RANBP17: variants seen among roughly 807,000 people sequenced by gnomAD.
RANBP17 encodes the protein RAN binding protein 17.
In RANBP17, 158 loss-of-function variants were observed where a neutral mutation model predicts 141.2. That is an observed-to-expected ratio of 1.12 (90% CI 0.98 to 1.28). RANBP17 has a LOEUF of 1.28. Ranked by LOEUF, RANBP17 falls within the 50% of genes most tolerant of loss-of-function variation. The probability of loss-of-function intolerance (pLI) is 0.00; values close to 1 mark genes in which losing one functional copy is unlikely to be tolerated. For synonymous variants in RANBP17, 430 were observed against 450.0 expected (o/e 0.96, Z 0.56); for missense variants, 1,438 against 1,290.7 (o/e 1.11, Z -1.75).
chr5:170,996,256 T>C (rs1350317126), intron 14 of RANBP17, among the ~76,000 whole-genome samples: 1 of 152,070 alleles, frequency 6.6e-6, no homozygotes, highest in Non-Finnish European at 1.5e-5. Context: ...TTTTTTTCCC[T>C]AAAAAGCAAG....
intron 14 of RANBP17, among the ~76,000 whole-genome samples, chr5:171,118,977 T>G (rs1561673222): frequency 6.6e-6 from 1 of 152,146 alleles, no homozygotes. Context: ...AGAGTGAGAG[T>G]GGAAACCCTT....
chr5:171,279,248 A>C (rs1767706484), intron 25 of RANBP17, among the ~76,000 whole-genome samples: 1 of 152,200 alleles, frequency 6.6e-6, no homozygotes, highest in Non-Finnish European at 1.5e-5. Flanking sequence ...ATTGCCTTGC[A>C]GTGGCCAAAA....
At chr5:170,896,212 T>A in intron 5 of RANBP17, 97 bp downstream of exon 5, 1 of 815,638 alleles carries the variant, frequency 1.2e-6, no homozygotes, top group Non-Finnish European at 2.0e-6. Context: ...AGCCTTCATT[T>A]TGTGGCATAA....
intron 22 of RANBP17, among the ~76,000 whole-genome samples, chr5:171,239,304 C>G (rs765743159): frequency 6.6e-6 from 1 of 152,126 alleles, no homozygotes; most frequent in Non-Finnish European, 1.5e-5. Context: ...TGGAACAGAT[C>G]AAGGCAGATC....
intron 14 of RANBP17, among the ~76,000 whole-genome samples, chr5:171,065,773 T>G (rs528894076): frequency 6.6e-6 from 1 of 152,298 alleles, no homozygotes; most frequent in South Asian, 2.1e-4. Flanking sequence ...TTGTAGCATG[T>G]TTTTATACCT....
chr5:171,053,109 C>T lies in RANBP17; in HGVS notation c.1710+84732C>T, dbSNP rs185774787. ...TCCTGGGATTACAGGCGTGAGCCAC[C>T]GTGCCCGGCCATGTCTTTCTATTTA... is the stretch of plus-strand genomic sequence containing the variant. On this transcript the variant is annotated intron_variant, in intron 14 of 27. Coordinates refer to ENST00000523189, the MANE Select transcript of RANBP17 (RefSeq NM_022897.5). 5.4e-3 allele frequency among the ~76,000 whole-genome samples: 821 copies of T among 152,264 alleles called. 12 individuals are homozygous for T. Among genetic ancestry groups the T allele is most frequent in the African/African-American group, 0.019 (793 of 41,536 alleles).
chr5:171,231,624 G>A lies in RANBP17; in HGVS notation c.2423-9304G>A, dbSNP rs139219464. Among the ~76,000 whole-genome samples the A allele has an allele frequency of 8.5e-5, 13 of 152,268 alleles. No individual in the cohort carries two copies. In the East Asian group the frequency reaches 1.7e-3, roughly 20 times the overall value. ...GGTAGCTACCAGTTAACAATTGTGC[G>A]TCTAGTTGAAATTCCTTTCAACAAA... On this transcript the variant is annotated intron_variant, in intron 22 of 27. Transcript: ENST00000523189.
chr5:171,047,349 T>C (rs1266180019), intron 14 of RANBP17, among the ~76,000 whole-genome samples: 1 of 151,988 alleles, frequency 6.6e-6, no homozygotes, highest in Non-Finnish European at 1.5e-5. Context: ...GGTAATGATG[T>C]TGAACGGTTT....
In RANBP17 at chr5:171,158,677, A is replaced by G. The variant is rs574298858; in HGVS notation, c.1711-11453A>G. Among the ~76,000 whole-genome samples, 20 of 150,438 alleles carry G rather than the reference A, an allele frequency of 1.3e-4. No individual in the cohort carries two copies. In the South Asian group the frequency reaches 2.9e-3, roughly 22 times the overall value. Reference sequence around the variant, plus strand: ...ATTTATTGTCCATTTCTGTCTCTCAATTTTCATGGTCACTTCCTTCCTTGC... The same window carrying G: ...ATTTATTGTCCATTTCTGTCTCTCAGTTTTCATGGTCACTTCCTTCCTTGC... On this transcript the variant is annotated intron_variant, in intron 14 of 27. Coordinates refer to ENST00000523189, the MANE Select transcript of RANBP17 (RefSeq NM_022897.5).
intron 14 of RANBP17, among the ~76,000 whole-genome samples, chr5:171,104,561 C>T (rs1754644672): frequency 6.6e-6 from 1 of 152,132 alleles, no homozygotes. Context: ...TTCCACAGAA[C>T]AGAAATGACC....
intron 20 of RANBP17, among the ~76,000 whole-genome samples, chr5:171,211,628 GTTT>G (rs1226824979): frequency 1.6e-5 from 2 of 126,130 alleles, no homozygotes; most frequent in Non-Finnish European, 3.4e-5. Flanking sequence ...TGAGGGCAGG[GTTT>G]TTTTTTTTTT....
intron 14 of RANBP17, among the ~76,000 whole-genome samples, chr5:171,121,311 A>G (rs1581680098): frequency 6.6e-6 from 1 of 152,250 alleles, no homozygotes; most frequent in African/African-American, 2.4e-5. Context: ...CATGTGTGCC[A>G]GGGGCAGCCT....
intron 22 of RANBP17, among the ~76,000 whole-genome samples, chr5:171,238,705 CAGT>C (rs1355283035): frequency 1.3e-5 from 2 of 152,114 alleles, no homozygotes; most frequent in Non-Finnish European, 2.9e-5. Context: ...GGTAGAAAAA[CAGT>C]GGTGTAGAAC....
chr5:170,873,072 C>T (rs9687000), intron 1 of RANBP17, among the ~76,000 whole-genome samples: 91,285 of 151,990 alleles, frequency 0.6, 29,154 homozygotes, highest in South Asian at 0.88. Flanking sequence ...AAACCGTGCC[C>T]GGCTGATTTT....
intron 14 of RANBP17, among the ~76,000 whole-genome samples, chr5:171,035,825 A>AT (rs1471610149): frequency 6.7e-6 from 1 of 149,948 alleles, no homozygotes; most frequent in Non-Finnish European, 1.5e-5. Flanking sequence ...ATACTGTATA[A>AT]TGCTGAGGTT....
intron 14 of RANBP17, among the ~76,000 whole-genome samples, chr5:171,109,818 A>G (rs1006907372): frequency 2.0e-5 from 3 of 152,228 alleles, no homozygotes; most frequent in African/African-American, 7.2e-5. Context: ...AATTGAGAAC[A>G]TGAATATCCA....
intron 3 of RANBP17, among the ~76,000 whole-genome samples, chr5:170,888,459 T>A (rs1769335608): frequency 6.6e-6 from 1 of 152,222 alleles, no homozygotes; most frequent in Non-Finnish European, 1.5e-5. Context: ...ATCTAAGTAT[T>A]AATATTTCAT....
chr5:170,924,645 A>G (rs904502853), intron 12 of RANBP17, 95 bp downstream of exon 12: 6 of 761,740 alleles, frequency 7.9e-6, no homozygotes, highest in Non-Finnish European at 1.2e-5. Flanking sequence ...ATTTTTATGT[A>G]TTTTCCCCAA....
chr5:171,241,590 G>A (rs942932664), intron 23 of RANBP17, among the ~76,000 whole-genome samples: 10 of 152,102 alleles, frequency 6.6e-5, no homozygotes, highest in African/African-American at 1.9e-4. Flanking sequence ...CTTCCTTGTA[G>A]TAGAATGGAA....
Sources: gnomAD v4.1 joint callset for allele counts (sites outside exome capture counted in the v4.1 genomes callset) on GRCh38, gnomAD v4.1.1 for gene constraint, MANE v1.5 for transcripts, NCBI Gene and HGNC (gene_info 2026-07-23, HGNC 2026-07-21) for gene names.